Variants in ADAM12 observed in about 807,000 individuals in gnomAD.
The protein encoded by ADAM12 is ADAM metallopeptidase domain 12.
In ADAM12, 70 loss-of-function variants were observed where a neutral mutation model predicts 106.4. The ratio of observed to expected loss-of-function variants is 0.66; its 90% CI spans 0.54 to 0.80. The LOEUF (loss-of-function observed/expected upper bound fraction) is 0.80. Among genes scored for constraint, ADAM12 ranks in the 30% least tolerant of loss-of-function variants. ADAM12 has a pLI of 0.00. For missense variants in ADAM12, 1,010 were observed against 1,171.9 expected (o/e 0.86, Z 2.02); for synonymous variants, 420 against 433.5 (o/e 0.97, Z 0.39).
intron 11 of ADAM12, among the ~76,000 whole-genome samples, chr10:126,083,972 A>C (rs1387413977): frequency 6.6e-6 from 1 of 152,224 alleles, no homozygotes; most frequent in Non-Finnish European, 1.5e-5. Flanking sequence ...GACGGACCAC[A>C]GAAAGCTAAG....
Position 126,059,325 on chromosome 10 carries a change from C to T in ADAM12, c.1609+5481G>A, listed in dbSNP as rs1954702302. Among the ~76,000 whole-genome samples, 3 of 152,204 alleles carry T rather than the reference C, an allele frequency of 2.0e-5. No homozygotes were observed. The South Asian group carries it at 6.2e-4, about 32-fold the overall frequency. ...GTGTCACTGATTTCCCTAACCCCTG[C>T]CACTAACATCCACAGACAAAGGCAT... On this transcript the variant is annotated intron_variant, in intron 14 of 22. Transcript: ENST00000448723.
chr10:126,331,174 T>C (rs1158478013), intron 1 of ADAM12, among the ~76,000 whole-genome samples: 1 of 152,230 alleles, frequency 6.6e-6, no homozygotes, highest in Non-Finnish European at 1.5e-5. Context: ...TAAACAATCC[T>C]CACGGAAAGT....
chr10:126,080,619 C>T (rs1454044247), intron 11 of ADAM12, among the ~76,000 whole-genome samples: 2 of 152,172 alleles, frequency 1.3e-5, no homozygotes, highest in South Asian at 2.1e-4. Context: ...GATGTGACCT[C>T]TTTTGTTAGC....
At chr10:126,184,543 GTGCCGTATT>G (rs1957366354) in intron 3 of ADAM12, among the ~76,000 whole-genome samples, 1 of 152,282 alleles carries the variant, frequency 6.6e-6, no homozygotes, top group South Asian at 2.1e-4. Context: ...GGCAAAAGCT[GTGCCGTATT>G]TTGCAAATTG....
intron 3 of ADAM12, among the ~76,000 whole-genome samples, chr10:126,265,067 A>G (rs557771919): frequency 1.6e-4 from 24 of 152,332 alleles, no homozygotes; most frequent in African/African-American, 5.5e-4. Flanking sequence ...TTTACAGAGT[A>G]TAAGAAGCTA....
chr10:126,318,562 A>ACTCACACACTCT (rs59473224), intron 2 of ADAM12, among the ~76,000 whole-genome samples: 101,265 of 150,778 alleles, frequency 0.67, 34,183 homozygotes, highest in East Asian at 0.83. Context: ...TCACATTCAC[A>ACTCACACACTCT]CTCACACACT....
At chr10:126,122,790 G>A (rs1175896798) in intron 5 of ADAM12, among the ~76,000 whole-genome samples, 1 of 152,074 alleles carries the variant, frequency 6.6e-6, no homozygotes, top group East Asian at 1.9e-4. Flanking sequence ...CAGGCAAGGG[G>A]AAAGTGGAAA....
chr10:126,131,653 A>G (rs897480914), intron 5 of ADAM12, among the ~76,000 whole-genome samples: 1 of 152,186 alleles, frequency 6.6e-6, no homozygotes, highest in African/African-American at 2.4e-5. Flanking sequence ...CAGCAAGCTA[A>G]TGACTGCCTG....
Position 126,049,143 on chromosome 10 carries a change from A to G in ADAM12, c.1917+110T>C. The G allele has an allele frequency of 7.3e-7, 1 of 1,377,178 alleles. No homozygotes were observed. The allele number at this position is 1,377,178 out of a possible 1,614,324, so 85.3% of individuals were successfully genotyped here. A position where few individuals can be genotyped will look rare whatever the true frequency, so the allele number is the denominator to read the frequency against. On this transcript the variant is annotated intron_variant, in intron 16 of 22. Transcript: ENST00000448723. The surrounding 1 kb of genome is among the most constrained non-coding windows in gnomAD (Gnocchi z 4.4). ...CTTTTTCTTCTAGGTGCATCTGAGA[A>G]GAAGTAGATTTAGGAAAACCAACAA...
chr10:126,069,252 A>G (rs952703416), intron 12 of ADAM12, among the ~76,000 whole-genome samples: 1 of 152,252 alleles, frequency 6.6e-6, no homozygotes, highest in Non-Finnish European at 1.5e-5. Context: ...TTTTCTAATA[A>G]TAACTACTTG....
intron 4 of ADAM12, among the ~76,000 whole-genome samples, chr10:126,152,404 A>AT (rs1366924028): frequency 2.8e-4 from 42 of 152,114 alleles, no homozygotes; most frequent in Admixed American, 2.7e-3. Context: ...CACTTTATAT[A>AT]TTTTGAGACA....
At chr10:126,237,523 AG>A (rs1219458543) in intron 3 of ADAM12, among the ~76,000 whole-genome samples, 2 of 152,154 alleles carry the variant, frequency 1.3e-5, no homozygotes, top group African/African-American at 4.8e-5. Context: ...CTTCAGCAAA[AG>A]TTCTGCTTTC....
intron 3 of ADAM12, among the ~76,000 whole-genome samples, chr10:126,196,945 G>A (rs1308831467): frequency 2.0e-5 from 3 of 152,172 alleles, no homozygotes; most frequent in Admixed American, 2.0e-4. Context: ...AGGGGACAAA[G>A]GAAAAATTCA....
chr10:126,266,115 T>C (rs1959091721), intron 3 of ADAM12, among the ~76,000 whole-genome samples: 1 of 152,200 alleles, frequency 6.6e-6, no homozygotes, highest in Admixed American at 6.5e-5. Context: ...AACTGTTGCA[T>C]GCACCTCACC....
At chr10:126,020,992 CAA>C (rs3067295) in intron 21 of ADAM12, among the ~76,000 whole-genome samples, 5,368 of 98,260 alleles carry the variant, frequency 0.055, 309 homozygotes, top group African/African-American at 0.18. Flanking sequence ...GACTCTGTCT[CAA>C]AAAAAAAAAA....
chr10:126,172,814 T>C (rs1957142980), intron 3 of ADAM12, among the ~76,000 whole-genome samples: 1 of 152,206 alleles, frequency 6.6e-6, no homozygotes, highest in South Asian at 2.1e-4. Context: ...ACACGTATGT[T>C]TACTGCAGCA....
Position 126,118,070 on chromosome 10 carries a change from A to C in ADAM12, c.571T>G (p.Phe191Val), listed in dbSNP as rs1956019529. 6.2e-7 allele frequency: 1 copy of C among 1,614,134 alleles called. No individual in the cohort carries two copies. The highest frequency in any genetic ancestry group is 8.5e-7 in the Non-Finnish European group (1 of 1,179,990). The change falls in exon 6 of 23, where the codon TTT becomes GTT. Residue 191 changes from phenylalanine (F) to valine (V), a missense_variant. Coordinates refer to ENST00000448723, the MANE Select transcript of ADAM12 (RefSeq NM_001288973.2). ...GCCCATGTCTGAGAGGGTGGTGGAA[A>C]CACATTCTTTGCAGCGAGGTTTGGT... ...NTPNLAAKNV[F>V]PPPSQTWARR...
intron 2 of ADAM12, among the ~76,000 whole-genome samples, chr10:126,313,382 G>C (rs979108738): frequency 6.6e-6 from 1 of 152,188 alleles, no homozygotes; most frequent in African/African-American, 2.4e-5. Context: ...ACAAAGGAGA[G>C]GGCCTTGGAA....
Position 126,135,668 on chromosome 10 carries a change from G to A in ADAM12, c.340-8C>T, listed in dbSNP as rs778592025. ...ATGGTAGTAACAGTGACCCTAAAGG[G>A]GAGGAGGAGAGAATCCCATTTCAGT... On this transcript the variant is annotated splice_polypyrimidine_tract_variant and splice_region_variant and intron_variant, in intron 4 of 22. Transcript: ENST00000448723. The A allele has an allele frequency of 6.2e-7, 1 of 1,611,764 alleles. No individual in the cohort carries two copies. Among genetic ancestry groups the A allele is most frequent in the Non-Finnish European group, 8.5e-7 (1 of 1,177,964 alleles).
Sources: allele counts gnomAD v4.1 joint callset (sites outside exome capture counted in the v4.1 genomes callset), GRCh38; gene constraint gnomAD v4.1.1; non-coding constraint Gnocchi (gnomAD v3.1); transcripts MANE v1.5; gene names NCBI Gene and HGNC (gene_info 2026-07-23, HGNC 2026-07-21).